ABCC11: variants seen among roughly 807,000 people sequenced by gnomAD.
ABCC11 encodes ATP-binding cassette sub-family C member 11.
Under a neutral mutation model 149.3 loss-of-function variants are expected in ABCC11, and 135 were observed. That is an observed-to-expected ratio of 0.90 (90% CI 0.79 to 1.04). The LOEUF is 1.04. ABCC11 is among the 50% of genes least tolerant of loss of function. The pLI, the probability that ABCC11 is intolerant of heterozygous loss-of-function variation, is 0.00. For missense variants in ABCC11, 1,680 were observed against 1,722.1 expected, an observed-to-expected ratio of 0.98 and a Z score of 0.43; for synonymous variants, 665 against 671.4, an observed-to-expected ratio of 0.99 and a Z score of 0.15.
At chr16:48,245,156 T>C (rs1375947573) in intron 1 of ABCC11, among the ~76,000 whole-genome samples, 1 of 152,148 alleles carries the variant, frequency 6.6e-6, no homozygotes, top group Non-Finnish European at 1.5e-5. Context: ...TCTTCTATAC[T>C]CCCTGCCACC....
At chr16:48,175,636 GC>G (rs1446314828) in intron 25 of ABCC11, among the ~76,000 whole-genome samples, 1 of 152,180 alleles carries the variant, frequency 6.6e-6, no homozygotes. Flanking sequence ...CACACGTGGG[GC>G]CCCTGGATCA....
intron 1 of ABCC11, among the ~76,000 whole-genome samples, chr16:48,236,390 C>T (rs1360880743): frequency 6.6e-6 from 1 of 152,202 alleles, no homozygotes; most frequent in East Asian, 1.9e-4. Context: ...TCTCTCCATA[C>T]CACCTTCTGC....
Position 48,222,671 on chromosome 16 carries a change from C to A in ABCC11, c.704G>T (p.Arg235Leu), listed in dbSNP as rs191605136. 1.2e-4 allele frequency: 193 copies of A among 1,614,164 alleles called. No individual in the cohort carries two copies. The Admixed American group carries it at 3.1e-3, about 26-fold the overall frequency. Reference sequence around the variant, plus strand: ...AAAGGCAAAGGAGGAAACAGCTGCTCGGAACCTGATGGCTGTGCGTTGGTT... The same window carrying A: ...AAAGGCAAAGGAGGAAACAGCTGCTAGGAACCTGATGGCTGTGCGTTGGTT... Reference protein sequence around the residue: ...IINQRTAIRFRAAVSSFAFEK... With the variant: ...IINQRTAIRFLAAVSSFAFEK... The change falls in exon 6 of 30, where the codon CGA (arginine) becomes CTA (leucine). Residue 235 changes from arginine (R) to leucine (L), a missense_variant. Coordinates refer to ENST00000356608, the MANE Select transcript of ABCC11 (RefSeq NM_001370497.1).
chr16:48,182,738 G>A lies in ABCC11; in HGVS notation c.3258+1702C>T, dbSNP rs1053854838. On this transcript the variant is annotated intron_variant, in intron 23 of 29. Transcript: ENST00000356608. ...GTGGAGCTTGCAGTGAGCCGAGATCGCATCACTGCACTCCAGCCTGGGCAA... is the reference window on the plus strand; with the variant it reads ...GTGGAGCTTGCAGTGAGCCGAGATCACATCACTGCACTCCAGCCTGGGCAA... Among the ~76,000 whole-genome samples, 6 of 148,552 alleles carry A rather than the reference G, an allele frequency of 4.0e-5. 1 individual carries two copies. In the South Asian group the frequency reaches 6.4e-4, roughly 16 times the overall value.
intron 6 of ABCC11, among the ~76,000 whole-genome samples, chr16:48,216,670 C>T (rs924913178): frequency 1.3e-5 from 2 of 152,112 alleles, no homozygotes; most frequent in Admixed American, 1.3e-4. Context: ...TTAAAGAAAC[C>T]AGTAACTAAC....
At chr16:48,198,637 ATTT>A (rs201789068) in intron 15 of ABCC11, among the ~76,000 whole-genome samples, 4 of 143,090 alleles carry the variant, frequency 2.8e-5, no homozygotes, top group African/African-American at 2.6e-5. Context: ...ACACTGAAGT[ATTT>A]TTTTTTTTTT....
At chr16:48,216,737 C>A (rs1969371835) in intron 6 of ABCC11, among the ~76,000 whole-genome samples, 1 of 152,170 alleles carries the variant, frequency 6.6e-6, no homozygotes, top group African/African-American at 2.4e-5. Flanking sequence ...TGCTGAAAGT[C>A]CCTCTGCTTT....
Position 48,192,737 on chromosome 16 carries a change from G to A in ABCC11, c.2509-20C>T. 1.2e-6 allele frequency: 2 copies of A among 1,613,048 alleles called. No homozygotes were observed. Among genetic ancestry groups the A allele is most frequent in the Non-Finnish European group, 1.7e-6 (2 of 1,179,058 alleles). Reference sequence around the variant, plus strand: ...ATTGGTCTTCAAGAAAGAACAGGGGGTCTGACTGCAGGTGTCCGGGGGAAA... The same window carrying A: ...ATTGGTCTTCAAGAAAGAACAGGGGATCTGACTGCAGGTGTCCGGGGGAAA... On this transcript the variant is annotated intron_variant, in intron 19 of 29. Transcript: ENST00000356608.
intron 11 of ABCC11, among the ~76,000 whole-genome samples, chr16:48,208,714 G>C (rs1968659102): frequency 6.6e-6 from 1 of 152,168 alleles, no homozygotes; most frequent in East Asian, 1.9e-4. Flanking sequence ...GATCACAAGG[G>C]AAAGGCAGAG....
At position 48,197,999 on chromosome 16, in the gene ABCC11, G is replaced by T. The variant is rs958979243; in HGVS notation, c.2286C>A (p.Ser762=). 2.5e-6 allele frequency: 4 copies of T among 1,614,158 alleles called. No homozygotes were observed. The highest frequency in any genetic ancestry group is 2.5e-6 in the Non-Finnish European group (3 of 1,180,038). Residue 762 remains serine (S), a synonymous_variant, in exon 17 of 30, where the codon TCC becomes TCA. Transcript: ENST00000356608. Reference sequence around the variant, plus strand: ...CATTTCCGTTGAGAGACTCTTCCAGGGAGGTGGCCAGAGCCTGACTTTCTA... The same window carrying T: ...CATTTCCGTTGAGAGACTCTTCCAGTGAGGTGGCCAGAGCCTGACTTTCTA... ...PKVESQALAT[S]LEESLNGNAV... is the part of the protein sequence containing the mutation.
At chr16:48,221,956 C>G (rs1429006614) in intron 6 of ABCC11, among the ~76,000 whole-genome samples, 1 of 151,562 alleles carries the variant, frequency 6.6e-6, no homozygotes, top group East Asian at 1.9e-4. Flanking sequence ...CTCTGTTTCC[C>G]AGGCTAGAGT....
intron 18 of ABCC11, among the ~76,000 whole-genome samples, chr16:48,195,960 C>T (rs1158466474): frequency 6.6e-6 from 1 of 151,666 alleles, no homozygotes; most frequent in African/African-American, 2.4e-5. Flanking sequence ...ATAGCAAGAC[C>T]CCATGTCTAT....
At chr16:48,206,057 G>T (rs568758224) in intron 12 of ABCC11, among the ~76,000 whole-genome samples, 5 of 152,046 alleles carry the variant, frequency 3.3e-5, no homozygotes, top group Non-Finnish European at 4.4e-5. Flanking sequence ...TGATCTGTCC[G>T]CCTCGGCCTC....
At chr16:48,244,157 C>T (rs1006578115) in intron 1 of ABCC11, 3 of 467,332 alleles carry the variant, frequency 6.4e-6, no homozygotes, top group African/African-American at 6.1e-5. Context: ...GCGAAGGTCG[C>T]TGCACGCTTG....
At chr16:48,218,880 G>A (rs529095309) in intron 6 of ABCC11, among the ~76,000 whole-genome samples, 103 of 152,190 alleles carry the variant, frequency 6.8e-4, no homozygotes, top group African/African-American at 2.2e-3. Context: ...TATCAGCAGC[G>A]TGAAAATGGA....
intron 6 of ABCC11, among the ~76,000 whole-genome samples, chr16:48,220,621 A>T (rs184482200): frequency 6.6e-6 from 1 of 152,200 alleles, no homozygotes; most frequent in Non-Finnish European, 1.5e-5. Context: ...CCTATGAGAC[A>T]ACAATCCTAT....
At chr16:48,229,275 T>C (rs1418553076) in intron 3 of ABCC11, among the ~76,000 whole-genome samples, 1 of 152,072 alleles carries the variant, frequency 6.6e-6, no homozygotes, top group Non-Finnish European at 1.5e-5. Flanking sequence ...TGAATGAAAG[T>C]ACCAAGGTTC....
At chr16:48,241,362 C>G (rs1970960707) in intron 1 of ABCC11, among the ~76,000 whole-genome samples, 1 of 152,140 alleles carries the variant, frequency 6.6e-6, no homozygotes, top group South Asian at 2.1e-4. Context: ...TCAAAAGTAT[C>G]AAGGTTTTCC....
intron 26 of ABCC11, among the ~76,000 whole-genome samples, chr16:48,172,879 C>T (rs1965809704): frequency 6.6e-6 from 1 of 152,210 alleles, no homozygotes; most frequent in South Asian, 2.1e-4. Flanking sequence ...GCAAGCTTTA[C>T]ACTTGCATCT....
Sources: gnomAD v4.1 joint callset for allele counts (sites outside exome capture counted in the v4.1 genomes callset) on GRCh38, gnomAD v4.1.1 for gene constraint, MANE v1.5 for transcripts, NCBI Gene and HGNC (gene_info 2026-07-23, HGNC 2026-07-21) for gene names.